KCNS3: variants seen among roughly 807,000 people sequenced by gnomAD.
KCNS3 encodes the protein delayed-rectifier potassium channel regulatory subunit KCNS3.
KCNS3 carries 13 observed loss-of-function variants against 31.0 expected under a neutral mutation model. That is an observed-to-expected ratio of 0.42 (90% confidence interval 0.27 to 0.67). The LOEUF is 0.67. Among genes scored for constraint, KCNS3 ranks in the 30% least tolerant of loss-of-function variants. The pLI is 0.25. For missense variants in KCNS3, 545 were observed against 622.4 expected (o/e 0.88, Z 1.32); for synonymous variants, 238 against 241.5 (o/e 0.99, Z 0.13).
At chr2:17,921,915 G>GTGTGTATATATATATATATA (rs375189924) in intron 2 of KCNS3, among the ~76,000 whole-genome samples, 2 of 32,810 alleles carry the variant, frequency 6.1e-5, no homozygotes, top group African/African-American at 2.4e-4. Context: ...GTGTGTGTGT[G>GTGTGTATATATATATATATA]TATATATATA....
chr2:17,884,048 T>C (rs927582670), intron 1 of KCNS3, among the ~76,000 whole-genome samples: 5 of 130,046 alleles, frequency 3.8e-5, no homozygotes, highest in African/African-American at 1.5e-4. Flanking sequence ...TAGGTGGGAA[T>C]TGAACAATGA....
chr2:17,919,829 T>C (rs1012077455), intron 2 of KCNS3, among the ~76,000 whole-genome samples: 2 of 152,006 alleles, frequency 1.3e-5, no homozygotes, highest in African/African-American at 4.8e-5. Context: ...CTACTGGAGG[T>C]GTTGGCTCCA....
chr2:17,902,459 A>G (rs916855058), intron 1 of KCNS3, among the ~76,000 whole-genome samples: 1 of 152,112 alleles, frequency 6.6e-6, no homozygotes, highest in African/African-American at 2.4e-5. Context: ...CTTACATTTG[A>G]TAAGAATTAC....
At position 17,931,124 on chromosome 2, in the gene KCNS3, C is replaced by G. The variant is rs1166604174; in HGVS notation, c.116C>G (p.Thr39Ser). Residue 39 changes from threonine to serine, a missense_variant, in exon 3 of 3, where the codon ACC becomes AGC. Physicochemically the swap from Thr to Ser is moderately conservative, Grantham distance 58. Coordinates refer to ENST00000304101, the MANE Select transcript of KCNS3 (RefSeq NM_002252.5). This position sits in a 1 kb window ranked among gnomAD's most constrained non-coding sequence, Gnocchi z 5.4. ...DQSTLLRFPHTRLGKLLTCHS... is the reference protein window; with the variant it reads ...DQSTLLRFPHSRLGKLLTCHS... ...AGCACCCTCCTGCGGTTTCCTCACA[C>G]CAGACTGGGGAAGCTGCTTACTTGC... is the stretch of plus-strand genomic sequence containing the variant. The G allele has an allele frequency of 1.9e-6, 3 of 1,614,086 alleles. No homozygotes were observed. The highest frequency in any genetic ancestry group is 2.5e-6 in the Non-Finnish European group (3 of 1,180,042).
At chr2:17,882,210 A>G (rs2125229699) in intron 1 of KCNS3, among the ~76,000 whole-genome samples, 1 of 152,326 alleles carries the variant, frequency 6.6e-6, no homozygotes, top group East Asian at 1.9e-4. Context: ...GATCAGTGAG[A>G]CAAGATAGAA....
At chr2:17,885,922 G>A in intron 1 of KCNS3, among the ~76,000 whole-genome samples, 1 of 152,114 alleles carries the variant, frequency 6.6e-6, no homozygotes, top group Non-Finnish European at 1.5e-5. Flanking sequence ...AACCTGATGG[G>A]GCATTAAAGA....
At chr2:17,919,283 G>A (rs1195064456) in intron 2 of KCNS3, 1 of 152,154 alleles carries the variant, frequency 6.6e-6, no homozygotes, top group African/African-American at 2.4e-5. Context: ...AAGGGAATAG[G>A]GGAAGGAAGT....
chr2:17,879,803 G>A lies in KCNS3; in HGVS notation c.-252+997G>A, dbSNP rs868712214. Among the ~76,000 whole-genome samples, 26 of 152,322 alleles carry A rather than the reference G, an allele frequency of 1.7e-4. 1 individual carries two copies. The highest frequency in any genetic ancestry group is 6.3e-4 in the African/African-American group (26 of 41,572). ...CTTCACTCGGGTGGCCCGCAGCAGG[G>A]GCAGAGGACAGCAAAGAGCTACCTC... is the stretch of plus-strand genomic sequence containing the variant. On this transcript the variant is annotated intron_variant, in intron 1 of 2. Transcript: ENST00000304101.
At chr2:17,902,334 CTGTGTGT>C (rs1358556629) in intron 1 of KCNS3, among the ~76,000 whole-genome samples, 1 of 149,648 alleles carries the variant, frequency 6.7e-6, no homozygotes, top group East Asian at 2.0e-4. Context: ...GGTTGGGAGA[CTGTGTGT>C]GTGTGTGTGT....
intron 1 of KCNS3, among the ~76,000 whole-genome samples, chr2:17,891,936 G>A (rs1466816452): frequency 6.6e-6 from 1 of 152,074 alleles, no homozygotes; most frequent in Non-Finnish European, 1.5e-5. Context: ...AATTTTCCAG[G>A]TGTTCTTTGT....
chr2:17,881,711 T>C (rs1674647443), intron 1 of KCNS3, among the ~76,000 whole-genome samples: 1 of 152,150 alleles, frequency 6.6e-6, no homozygotes, highest in Non-Finnish European at 1.5e-5. Flanking sequence ...TGAGATTCAG[T>C]TTTCCTCATT....
chr2:17,901,410 G>A (rs567224882), intron 1 of KCNS3, among the ~76,000 whole-genome samples: 43 of 152,316 alleles, frequency 2.8e-4, no homozygotes, highest in East Asian at 3.9e-4. Flanking sequence ...ACAGGCCTCC[G>A]TGGCGAGGGA....
intron 1 of KCNS3, among the ~76,000 whole-genome samples, chr2:17,897,445 GTTCT>G (rs1662056443): frequency 6.6e-6 from 1 of 152,174 alleles, no homozygotes; most frequent in Admixed American, 6.5e-5. Context: ...TCTGTTTTAA[GTTCT>G]TTGAGAAATC....
chr2:17,893,043 TG>T (rs1345706496), intron 1 of KCNS3, among the ~76,000 whole-genome samples: 1 of 151,952 alleles, frequency 6.6e-6, no homozygotes, highest in Admixed American at 6.6e-5. Flanking sequence ...GACCATCAGG[TG>T]GGGGTAGGGC....
At chr2:17,906,859 G>A (rs940147322) in intron 1 of KCNS3, among the ~76,000 whole-genome samples, 4 of 152,182 alleles carry the variant, frequency 2.6e-5, no homozygotes, top group African/African-American at 9.7e-5. Flanking sequence ...TACATTTGCT[G>A]AGGAGTCCTT....
rs371345847 is a variant in KCNS3 at position 17,931,667 on chromosome 2, C to T, written c.659C>T (p.Pro220Leu). The change falls in exon 3 of 3, where the codon CCG becomes CTG. Residue 220 changes from proline (P) to leucine (L), a missense_variant. By Grantham distance (98) the Pro-to-Leu change is moderately conservative. Coordinates refer to ENST00000304101, the MANE Select transcript of KCNS3 (RefSeq NM_002252.5). The surrounding 1 kb of genome is among the most constrained non-coding windows in gnomAD (Gnocchi z 5.4). Reference protein sequence around the residue: ...FQNEDGEVDDPVLEGVEIACI... With the variant: ...FQNEDGEVDDLVLEGVEIACI... ...AATGAGGATGGAGAAGTGGATGATC[C>T]GGTGCTGGAAGGAGTGGAGATCGCG... 56 of 1,614,016 alleles carry T rather than the reference C, an allele frequency of 3.5e-5. No individual in the cohort carries two copies. The highest frequency in any genetic ancestry group is 4.3e-5 in the Non-Finnish European group (51 of 1,180,036).
At chr2:17,928,612 AT>A (rs1368631286) in intron 2 of KCNS3, among the ~76,000 whole-genome samples, 6 of 150,340 alleles carry the variant, frequency 4.0e-5, no homozygotes, top group African/African-American at 9.8e-5. Context: ...GCTTTGTTGA[AT>A]TTTTTTTAAA....
chr2:17,907,616 T>G (rs1272068535), intron 1 of KCNS3, among the ~76,000 whole-genome samples: 1 of 152,216 alleles, frequency 6.6e-6, no homozygotes, highest in Non-Finnish European at 1.5e-5. Context: ...CCTTTCCATG[T>G]TTAGTGCTTC....
rs1212977569 is a variant in KCNS3, at chr2:17,931,925, A to T, written c.917A>T (p.His306Leu). Residue 306 changes from histidine (H) to leucine (L), a missense_variant, in exon 3 of 3, where the codon CAC (histidine) becomes CTC (leucine). Coordinates refer to ENST00000304101, the MANE Select transcript of KCNS3 (RefSeq NM_002252.5). This position sits in a 1 kb window ranked among gnomAD's most constrained non-coding sequence, Gnocchi z 5.4. ...TTCCGAATTCTAAAGCTTGCCCGGCACTCGGTAGGACTTCGGTCTCTAGGT... is the reference window on the plus strand; with the variant it reads ...TTCCGAATTCTAAAGCTTGCCCGGCTCTCGGTAGGACTTCGGTCTCTAGGT... ...RIFRILKLAR[H>L]SVGLRSLGAT... 6.2e-7 allele frequency: 1 copy of T among 1,613,968 alleles called. No individual in the cohort carries two copies. The highest frequency in any genetic ancestry group is 2.2e-5 in the East Asian group (1 of 44,864).
Sources: allele counts gnomAD v4.1 joint callset (sites outside exome capture counted in the v4.1 genomes callset), GRCh38; gene constraint gnomAD v4.1.1; non-coding constraint Gnocchi (gnomAD v3.1); transcripts MANE v1.5; gene names NCBI Gene and HGNC (gene_info 2026-07-23, HGNC 2026-07-21).